Variants in TRDN observed in about 807,000 individuals in gnomAD.
TRDN encodes triadin in skeletal muscle.
Under a neutral mutation model 149.7 loss-of-function variants are expected in TRDN, and 161 were observed. That is an observed-to-expected ratio of 1.08 (90% CI 0.95 to 1.23). The LOEUF is 1.23. Among genes scored for constraint, TRDN ranks in the 50% most tolerant of loss-of-function variants. TRDN has a pLI of 0.00. For missense variants in TRDN, 896 were observed against 823.5 expected, an observed-to-expected ratio of 1.09 and a Z score of -1.08; for synonymous variants, 294 against 250.5, an observed-to-expected ratio of 1.17 and a Z score of -1.64.
At chr6:123,520,749 T>A (rs1779636034) in intron 5 of TRDN, among the ~76,000 whole-genome samples, 1 of 152,196 alleles carries the variant, frequency 6.6e-6, no homozygotes, top group African/African-American at 2.4e-5. Context: ...TACATAGCCA[T>A]AGTAAGAACT....
In TRDN at chr6:123,269,880, A is replaced by G. The variant is rs758091334; in HGVS notation, c.1721-14T>C. 1 of 1,609,722 alleles carries G rather than the reference A, an allele frequency of 6.2e-7. No homozygotes were observed. The highest frequency in any genetic ancestry group is 1.1e-5 in the South Asian group (1 of 90,470). ...GTTTGGGCTTGGCTGTGGAGAATGG[A>G]GGCAAGCACATGGCATATTGATGAG... On this transcript the variant is annotated splice_polypyrimidine_tract_variant and intron_variant, in intron 30 of 40. Transcript: ENST00000334268.
In TRDN at chr6:123,636,615, C is replaced by G. The variant is rs182559460; in HGVS notation, c.22+139G>C. 1.2e-5 allele frequency: 12 copies of G among 971,498 alleles called. No individual in the cohort carries two copies. In the East Asian group the frequency reaches 2.6e-4, roughly 21 times the overall value. 60.2% of individuals were successfully genotyped at this position (971,498 alleles called of 1,614,324 possible). On this transcript the variant is annotated intron_variant, in intron 1 of 40. Transcript: ENST00000334268. ...AGCCTCTCAGCTCCTAAATCCACTT[C>G]TCAGATCCTGTATAGAATCATTGAC...
intron 12 of TRDN, among the ~76,000 whole-genome samples, chr6:123,433,535 C>CATGA (rs1344625179): frequency 6.6e-6 from 1 of 151,638 alleles, no homozygotes; most frequent in Admixed American, 6.6e-5. Context: ...TGCATGCATG[C>CATGA]ATGAATGAAT....
At chr6:123,496,261 G>A (rs1477321103) in intron 9 of TRDN, among the ~76,000 whole-genome samples, 1 of 151,160 alleles carries the variant, frequency 6.6e-6, no homozygotes, top group East Asian at 1.9e-4. Context: ...ACATTTTCCG[G>A]AGTGCAAAGG....
intron 16 of TRDN, among the ~76,000 whole-genome samples, chr6:123,379,635 A>G (rs1048780956): frequency 1.3e-5 from 2 of 152,122 alleles, no homozygotes; most frequent in Non-Finnish European, 2.9e-5. Context: ...AGTCCCCTCA[A>G]TCTTATCAGA....
At chr6:123,323,223 G>A (rs987336841) in intron 23 of TRDN, among the ~76,000 whole-genome samples, 4 of 152,118 alleles carry the variant, frequency 2.6e-5, no homozygotes, top group South Asian at 2.1e-4. Context: ...CTCACTAGAC[G>A]TTGAACCCTG....
intron 21 of TRDN, among the ~76,000 whole-genome samples, chr6:123,342,921 A>ACTAT (rs1780118320): frequency 6.6e-6 from 1 of 152,014 alleles, no homozygotes; most frequent in Admixed American, 6.6e-5. Context: ...AAATTCCACA[A>ACTAT]CTATCTGTTG....
At chr6:123,552,161 G>T (rs949089700) in intron 2 of TRDN, among the ~76,000 whole-genome samples, 1 of 152,052 alleles carries the variant, frequency 6.6e-6, no homozygotes, top group Non-Finnish European at 1.5e-5. Context: ...TGTATCCAAG[G>T]TTTCTTCCAG....
chr6:123,562,650 G>C (rs1303991394), intron 2 of TRDN, among the ~76,000 whole-genome samples: 1 of 152,086 alleles, frequency 6.6e-6, no homozygotes, highest in Non-Finnish European at 1.5e-5. Flanking sequence ...AAGAGAGTGA[G>C]ACACATGCAA....
At position 123,254,929 on chromosome 6, in the gene TRDN, C is replaced by T. The variant is rs1205587625; in HGVS notation, c.1951+152G>A. On this transcript the variant is annotated intron_variant, in intron 37 of 40. Transcript: ENST00000334268. The stretch of plus-strand genomic sequence containing the variant: ...TTTCTATTGAAATATAAGCTTTCTG[C>T]TAGATTTTCTACCTGTCCACTTCCT... 5.1e-6 allele frequency: 3 copies of T among 586,434 alleles called. No individual in the cohort carries two copies. In the African/African-American group the frequency reaches 5.5e-5, roughly 11 times the overall value. The allele number at this position is 586,434 out of a possible 1,614,324, so 36.3% of individuals were successfully genotyped here. A position where few individuals can be genotyped will look rare whatever the true frequency, so the allele number is the denominator to read the frequency against.
At chr6:123,598,863 A>G (rs187076036) in intron 1 of TRDN, among the ~76,000 whole-genome samples, 1 of 152,230 alleles carries the variant, frequency 6.6e-6, no homozygotes, top group Admixed American at 6.6e-5. Context: ...TGTTTTTTAA[A>G]TTTGGTAGTA....
intron 12 of TRDN, among the ~76,000 whole-genome samples, chr6:123,432,934 G>A (rs1435843237): frequency 6.6e-6 from 1 of 151,578 alleles, no homozygotes; most frequent in Non-Finnish European, 1.5e-5. Context: ...CTTGATCCTG[G>A]ACTGTATTCC....
intron 9 of TRDN, among the ~76,000 whole-genome samples, chr6:123,478,217 C>G (rs1342196838): frequency 6.6e-6 from 1 of 152,034 alleles, no homozygotes; most frequent in Admixed American, 6.6e-5. Flanking sequence ...TAACCATTGA[C>G]AAATCTATAG....
intron 6 of TRDN, among the ~76,000 whole-genome samples, chr6:123,515,390 TA>T (rs1779368495): frequency 6.6e-6 from 1 of 152,008 alleles, no homozygotes; most frequent in African/African-American, 2.4e-5. Flanking sequence ...AACAATTAAC[TA>T]GATTATCAGG....
chr6:123,389,573 A>G (rs1319149577), intron 13 of TRDN: 1 of 152,178 alleles, frequency 6.6e-6, no homozygotes, highest in Non-Finnish European at 1.5e-5. Flanking sequence ...TTTGCAGAGT[A>G]TAAGCAGCAG....
rs145418219 is a variant in TRDN, at chr6:123,305,579, T to C, written c.1510+10878A>G. On this transcript the variant is annotated intron_variant, in intron 24 of 40. Transcript: ENST00000334268. ...AACACAGAAAGTTCACAAAACCGCC[T>C]GATGCCACGACCAAAGACATTCAAA... 5.7e-3 allele frequency among the ~76,000 whole-genome samples: 875 copies of C among 152,276 alleles called. 7 individuals are homozygous for C. Among genetic ancestry groups the C allele is most frequent in the Non-Finnish European group, 0.01 (708 of 68,026 alleles).
intron 27 of TRDN, 151 bp downstream of exon 27, chr6:123,274,490 T>C: frequency 3.3e-6 from 2 of 613,206 alleles, no homozygotes; most frequent in Non-Finnish European, 2.7e-6. Flanking sequence ...TCCAGTGCTA[T>C]AAAATCATGT....
At chr6:123,247,725 T>G (rs1776235411) in intron 38 of TRDN, among the ~76,000 whole-genome samples, 1 of 150,992 alleles carries the variant, frequency 6.6e-6, no homozygotes, top group African/African-American at 2.4e-5. Flanking sequence ...CCACAGACTT[T>G]CTTCACAGAA....
chr6:123,219,196 T>C (rs1337090147), intron 40 of TRDN, among the ~76,000 whole-genome samples: 1 of 151,766 alleles, frequency 6.6e-6, no homozygotes, highest in Admixed American at 6.6e-5. Context: ...CATCTAGAAG[T>C]TTTATTTGCC....
Sources: allele counts gnomAD v4.1 joint callset (sites outside exome capture counted in the v4.1 genomes callset), GRCh38; gene constraint gnomAD v4.1.1; transcripts MANE v1.5; gene names NCBI Gene and HGNC (gene_info 2026-07-23, HGNC 2026-07-21).